The following AAMP variants were observed in gnomAD, a reference collection of about 807,000 sequenced individuals.
AAMP encodes the protein angio-associated migratory cell protein.
In AAMP, 12 loss-of-function variants were observed where a neutral mutation model predicts 51.1. The ratio of observed to expected loss-of-function variants is 0.23; its 90% CI spans 0.15 to 0.38. The LOEUF (loss-of-function observed/expected upper bound fraction) is 0.38, where lower values mean the gene tolerates loss of function less well. Ranked by LOEUF, AAMP falls within the 10% of genes least tolerant of loss-of-function variation. The probability of loss-of-function intolerance (pLI) is 1.00; values close to 1 mark genes in which losing one functional copy is unlikely to be tolerated. For synonymous variants in AAMP, 210 were observed against 218.7 expected (o/e 0.96, Z 0.35); for missense variants, 418 against 557.2 (o/e 0.75, Z 2.52).
In AAMP at chr2:218,265,082, G is replaced by A. The variant is rs756143831; in HGVS notation, c.1167C>T (p.Thr389=). The A allele has an allele frequency of 4.3e-6, 7 of 1,613,678 alleles. No individual in the cohort carries two copies. Among genetic ancestry groups the A allele is most frequent in the East Asian group, 2.2e-5 (1 of 44,886 alleles). ...CCCGGTAGTCAGTAAGCAGGCGGCC[G>A]GTCCGGGCGTCCCAGAGGCGCACGA... ...DGIVRLWDAR[T]GRLLTDYRGH... The change falls in exon 10 of 11, where the codon ACC becomes ACT. Residue 389 remains threonine (T), a synonymous_variant. Coordinates refer to ENST00000248450, the MANE Select transcript of AAMP (RefSeq NM_001087.5). The surrounding 1 kb of genome is among the most constrained non-coding windows in gnomAD (Gnocchi z 6.6).
Position 218,266,985 on chromosome 2 carries a change from GC to G in AAMP, c.395del (p.Gly132AlafsTer6). ...SDGELLFECA[G>X]HKDSVTCAGF... ...CAGCACAAGTCACAGAGTCTTTATG[GC>G]CTTCAAAGAAAAGTGGGCAGAAAAC... On this transcript the variant is annotated frameshift_variant and splice_region_variant, in exon 4 of 11. Coordinates refer to ENST00000248450, the MANE Select transcript of AAMP (RefSeq NM_001087.5). LOFTEE classifies it high-confidence loss of function. The surrounding 1 kb of genome is among the most constrained non-coding windows in gnomAD (Gnocchi z 4.7). 6.2e-7 allele frequency: 1 copy of G among 1,612,808 alleles called. No homozygotes were observed.
At chr2:218,264,966 C>T in intron 10 of AAMP, 54 bp downstream of exon 10, 3 of 1,610,132 alleles carry the variant, frequency 1.9e-6, no homozygotes, top group Non-Finnish European at 2.5e-6. Context: ...CCCCTACATA[C>T]TACTGCCACC....
In AAMP at chr2:218,265,620, C is replaced by G. The variant is rs764893874; in HGVS notation, c.942G>C (p.Glu314Asp). ...ASQPSLGEGEESESNSVESLG... is the reference protein window; with the variant it reads ...ASQPSLGEGEDSESNSVESLG... ...AGGACTCCACCGAGTTGGACTCACT[C>G]TCCTCCCCTTCTCCCAGGCTGGGCT... Residue 314 changes from glutamate to aspartate, a missense_variant, in exon 8 of 11, where the codon GAG becomes GAC. By Grantham distance (45) the Glu-to-Asp change is conservative. Coordinates refer to ENST00000248450, the MANE Select transcript of AAMP (RefSeq NM_001087.5). The surrounding 1 kb of genome is among the most constrained non-coding windows in gnomAD (Gnocchi z 6.6). 4.3e-6 allele frequency: 7 copies of G among 1,613,950 alleles called. No homozygotes were observed. The highest frequency in any genetic ancestry group is 5.9e-6 in the Non-Finnish European group (7 of 1,180,022).
rs1240582250 is a variant in AAMP, at chr2:218,267,185, C to G, written c.395-199G>C. On this transcript the variant is annotated intron_variant, in intron 3 of 10. Transcript: ENST00000248450. This position sits in a 1 kb window ranked among gnomAD's most constrained non-coding sequence, Gnocchi z 4.6. ...TCTGCTGGGAGACACTGCTGGCCCT[C>G]ACTCAACCAGACCAAGTCCCAGCCT... Among the ~76,000 whole-genome samples the G allele has an allele frequency of 2.0e-5, 3 of 152,122 alleles. No individual in the cohort carries two copies. Among genetic ancestry groups the G allele is most frequent in the Non-Finnish European group, 2.9e-5 (2 of 68,024 alleles).
chr2:218,266,925 C>A lies in AAMP; in HGVS notation c.456G>T (p.Gly152=). 6.2e-7 allele frequency: 1 copy of A among 1,614,164 alleles called. No homozygotes were observed. Among genetic ancestry groups the A allele is most frequent in the Admixed American group, 1.7e-5 (1 of 60,026 alleles). The part of the protein sequence containing the change: ...FSHDSTLVAT[G]DMSGLLKVWQ... ...ACACTTTCAAGAGGCCACTCATGTC[C>A]CCTGTGGCCACTAGAGTGGAGTCAT... Residue 152 remains glycine (G), a synonymous_variant, in exon 4 of 11, where the codon GGG becomes GGT. Coordinates refer to ENST00000248450, the MANE Select transcript of AAMP (RefSeq NM_001087.5). The surrounding 1 kb of genome is among the most constrained non-coding windows in gnomAD (Gnocchi z 4.7).
At position 218,269,379 on chromosome 2, in the gene AAMP, T is replaced by C; in HGVS notation, c.274+3A>G. ...TTTGAGGTGGATCGCCTCAAAGACCTACCTGAGTGCAATGCAAAGGTGACC... is the reference window on the plus strand; with the variant it reads ...TTTGAGGTGGATCGCCTCAAAGACCCACCTGAGTGCAATGCAAAGGTGACC... On this transcript the variant is annotated splice_donor_region_variant and intron_variant, in intron 2 of 10. Transcript: ENST00000248450. 6.2e-7 allele frequency: 1 copy of C among 1,613,886 alleles called. No homozygotes were observed. Among genetic ancestry groups the C allele is most frequent in the South Asian group, 1.1e-5 (1 of 91,080 alleles).
At chr2:218,269,638 G>A (rs1690736483) in intron 1 of AAMP, 104 bp from the exon 2 acceptor site, 1 of 1,581,348 alleles carries the variant, frequency 6.3e-7, no homozygotes. Flanking sequence ...TGGCGAGAAG[G>A]GAAGGTGGAG....
intron 1 of AAMP, 72 bp downstream of exon 1, chr2:218,269,893 CG>C: frequency 6.3e-7 from 1 of 1,598,492 alleles, no homozygotes; most frequent in Non-Finnish European, 8.5e-7. Context: ...TGGAGGGGAG[CG>C]GGGAAAAGCA....
Position 218,267,589 on chromosome 2 carries a change from T to G in AAMP, c.299A>C (p.Asp100Ala). The change falls in exon 3 of 11, where the codon GAC (aspartate) becomes GCC (alanine). Residue 100 changes from aspartate (D) to alanine (A), a missense_variant. Physicochemically the swap from Asp to Ala is moderately radical, Grantham distance 126. Coordinates refer to ENST00000248450, the MANE Select transcript of AAMP (RefSeq NM_001087.5). This position sits in a 1 kb window ranked among gnomAD's most constrained non-coding sequence, Gnocchi z 4.6. The stretch of plus-strand genomic sequence containing the variant: ...CACTGCCAAGGTATTGGTCTTGGGG[T>G]CCAGGCTCACACAAAACACAGATGC... The part of the protein sequence containing the change: ...HSASVFCVSL[D>A]PKTNTLAVTG... The G allele has an allele frequency of 6.2e-7, 1 of 1,614,014 alleles. No individual in the cohort carries two copies. Among genetic ancestry groups the G allele is most frequent in the Non-Finnish European group, 8.5e-7 (1 of 1,179,998 alleles).
chr2:218,269,919 G>C, intron 1 of AAMP, 47 bp downstream of exon 1: 1 of 1,612,692 alleles, frequency 6.2e-7, no homozygotes, highest in South Asian at 1.1e-5. Flanking sequence ...TCAGAGGCCA[G>C]GGGTGAGCGT....
At chr2:218,268,211 C>T (rs976530658) in intron 2 of AAMP, among the ~76,000 whole-genome samples, 2 of 152,154 alleles carry the variant, frequency 1.3e-5, no homozygotes, top group African/African-American at 4.8e-5. Flanking sequence ...TTCTGATCCA[C>T]CCGCCTCGGC....
chr2:218,269,669 G>T (rs1690738598), intron 1 of AAMP, 135 bp from the exon 2 acceptor site: 2 of 1,445,014 alleles, frequency 1.4e-6, no homozygotes, highest in East Asian at 4.7e-5. Context: ...CGGGGTCCGC[G>T]GGGGCGCGCG....
In AAMP at chr2:218,264,265, G is replaced by A; in HGVS notation, c.*268C>T. The A allele has an allele frequency of 1.9e-6, 1 of 520,692 alleles. No individual in the cohort carries two copies. Among genetic ancestry groups the A allele is most frequent in the Non-Finnish European group, 3.5e-6 (1 of 289,512 alleles). 32.3% of individuals were successfully genotyped at this position (520,692 alleles called of 1,614,324 possible). On this transcript the variant is annotated 3_prime_UTR_variant, in exon 11 of 11. Transcript: ENST00000248450. ...CCCCACATACAAATACACACCCCAT[G>A]GCTCACACCAGCAAATGAAAGTGAA...
At chr2:218,268,219 G>A (rs531764920) in intron 2 of AAMP, among the ~76,000 whole-genome samples, 46 of 152,042 alleles carry the variant, frequency 3.0e-4, no homozygotes, top group East Asian at 2.5e-3. Flanking sequence ...CACCCGCCTC[G>A]GCCTCCCAAA....
intron 1 of AAMP, 97 bp downstream of exon 1, chr2:218,269,869 T>C: frequency 6.4e-7 from 1 of 1,553,508 alleles, no homozygotes; most frequent in Admixed American, 1.7e-5. Flanking sequence ...TCGGTAGGAA[T>C]GACCAGTCGG....
chr2:218,269,339 G>A (rs200073318), intron 2 of AAMP, 43 bp downstream of exon 2: 1 of 1,609,344 alleles, frequency 6.2e-7, no homozygotes, highest in Non-Finnish European at 8.5e-7. Context: ...ATGCTTACAC[G>A]CCCACCTAAA....
rs746150001 is a variant in AAMP at position 218,265,495 on chromosome 2, G to A, written c.984-34C>T. The A allele has an allele frequency of 6.3e-7, 1 of 1,574,882 alleles. No homozygotes were observed. The highest frequency in any genetic ancestry group is 1.8e-5 in the Admixed American group (1 of 57,098). On this transcript the variant is annotated intron_variant, in intron 8 of 10. Transcript: ENST00000248450. This position sits in a 1 kb window ranked among gnomAD's most constrained non-coding sequence, Gnocchi z 6.6. Reference sequence around the variant, plus strand: ...AGGAGCGTACCATGAAGACTCATGAGGGCCTGGACTCACACGCCCTGCCGT... The same window carrying A: ...AGGAGCGTACCATGAAGACTCATGAAGGCCTGGACTCACACGCCCTGCCGT...
rs751825489 is a variant in AAMP, at chr2:218,266,859, C to G, written c.522G>C (p.Ala174=). 1.2e-6 allele frequency: 2 copies of G among 1,614,154 alleles called. No homozygotes were observed. Among genetic ancestry groups the G allele is most frequent in the Non-Finnish European group, 1.7e-6 (2 of 1,180,028 alleles). Residue 174 remains alanine (A), a synonymous_variant, in exon 4 of 11, where the codon GCG becomes GCC. Coordinates refer to ENST00000248450, the MANE Select transcript of AAMP (RefSeq NM_001087.5). This position sits in a 1 kb window ranked among gnomAD's most constrained non-coding sequence, Gnocchi z 4.7. ...CTGATGATCTTACCTCCAGGTCTCCCGCTTCAAAGGACCAGACCTCCTCCT... is the reference window on the plus strand; with the variant it reads ...CTGATGATCTTACCTCCAGGTCTCCGGCTTCAAAGGACCAGACCTCCTCCT... The part of the protein sequence containing the change: ...DTKEEVWSFE[A]GDLEWMEWHP...
Position 218,267,376 on chromosome 2 carries a change from G to T in AAMP, c.394+118C>A. 1 of 1,460,598 alleles carries T rather than the reference G, an allele frequency of 6.8e-7. No homozygotes were observed. The allele number at this position is 1,460,598 out of a possible 1,614,324, so 90.5% of individuals were successfully genotyped here. ...CCGTGTCCCTGGGGCCCAGCACAGAGCTGGCACAAAAGAGATGTCACTAAG... is the reference window on the plus strand; with the variant it reads ...CCGTGTCCCTGGGGCCCAGCACAGATCTGGCACAAAAGAGATGTCACTAAG... On this transcript the variant is annotated intron_variant, in intron 3 of 10. Coordinates refer to ENST00000248450, the MANE Select transcript of AAMP (RefSeq NM_001087.5). The surrounding 1 kb of genome is among the most constrained non-coding windows in gnomAD (Gnocchi z 4.6).
Sources: allele counts gnomAD v4.1 joint callset (sites outside exome capture counted in the v4.1 genomes callset), GRCh38; gene constraint gnomAD v4.1.1; non-coding constraint Gnocchi (gnomAD v3.1); transcripts MANE v1.5; gene names NCBI Gene and HGNC (gene_info 2026-07-23, HGNC 2026-07-21).